The following BCAS3 variants were observed in gnomAD, a reference collection of about 807,000 sequenced individuals.
BCAS3 encodes BCAS4/BCAS3 fusion.
In BCAS3, 53 loss-of-function variants were observed where a neutral mutation model predicts 116.1. The ratio of observed to expected loss-of-function variants is 0.46; its 90% CI spans 0.37 to 0.57. The LOEUF (loss-of-function observed/expected upper bound fraction) is 0.57. Among genes scored for constraint, BCAS3 ranks in the 20% least tolerant of loss-of-function variants. BCAS3 has a pLI of 0.00. For missense variants in BCAS3, 917 were observed against 1,165.4 expected, an observed-to-expected ratio of 0.79 and a Z score of 3.10; for synonymous variants, 391 against 408.2, an observed-to-expected ratio of 0.96 and a Z score of 0.51.
chr17:60,717,311 G>C (rs986989742), intron 5 of BCAS3, among the ~76,000 whole-genome samples: 3 of 151,520 alleles, frequency 2.0e-5, no homozygotes, highest in Non-Finnish European at 2.9e-5. Context: ...CACCTCCCAG[G>C]TTCAAGCGAT....
rs1186278291 is a variant in BCAS3 at position 61,063,503 on chromosome 17, C to T, written c.2030-11417C>T. On this transcript the variant is annotated intron_variant, in intron 19 of 23. Coordinates refer to ENST00000407086, the MANE Select transcript of BCAS3 (RefSeq NM_017679.5). The surrounding 1 kb of genome is among the most constrained non-coding windows in gnomAD (Gnocchi z 5.3). ...CAGGATGGTCTCGATCTCTTGATCT[C>T]GTGATCCGCCACCTCGGCCTCCCAA... Among the ~76,000 whole-genome samples, 6 of 152,050 alleles carry T rather than the reference C, an allele frequency of 3.9e-5. No individual in the cohort carries two copies. Among genetic ancestry groups the T allele is most frequent in the South Asian group, 2.1e-4 (1 of 4,826 alleles).
At chr17:61,014,558 A>G (rs1286734879) in intron 15 of BCAS3, among the ~76,000 whole-genome samples, 3 of 151,258 alleles carry the variant, frequency 2.0e-5, no homozygotes, top group Non-Finnish European at 4.4e-5. Context: ...CTCTCACTAC[A>G]TACACAAAAA....
At chr17:61,373,804 CTTTGT>C (rs1204887197) in intron 23 of BCAS3, among the ~76,000 whole-genome samples, 1 of 76,084 alleles carries the variant, frequency 1.3e-5, no homozygotes, top group Non-Finnish European at 2.7e-5. Context: ...TCTTCTTCTT[CTTTGT>C]TTTTTTTTTT....
intron 5 of BCAS3, among the ~76,000 whole-genome samples, chr17:60,720,900 C>T (rs184738057): frequency 3.9e-5 from 6 of 152,194 alleles, no homozygotes; most frequent in African/African-American, 1.4e-4. Context: ...GTAGTGTTTT[C>T]TTGGAGCTGT....
intron 22 of BCAS3, among the ~76,000 whole-genome samples, chr17:61,230,928 C>A (rs1285192675): frequency 6.7e-6 from 1 of 148,950 alleles, no homozygotes; most frequent in African/African-American, 2.5e-5. Flanking sequence ...ATTCCCTTTT[C>A]TCTGCAGCCT....
rs2055719737 is a variant in BCAS3, at chr17:61,326,258, T to C, written c.2426-42069T>C. Among the ~76,000 whole-genome samples, 1 of 152,096 alleles carries C rather than the reference T, an allele frequency of 6.6e-6. No homozygotes were observed. ...AGGTCCCATTTAAGCTTGGCTCTAA[T>C]GGGTGAGATAAATCAGCAAAGGGAG... On this transcript the variant is annotated intron_variant, in intron 22 of 23. Coordinates refer to ENST00000407086, the MANE Select transcript of BCAS3 (RefSeq NM_017679.5). The surrounding 1 kb of genome is among the most constrained non-coding windows in gnomAD (Gnocchi z 5.3).
intron 22 of BCAS3, among the ~76,000 whole-genome samples, chr17:61,338,227 T>G (rs1263067116): frequency 6.6e-6 from 1 of 152,220 alleles, no homozygotes; most frequent in Admixed American, 6.5e-5. Context: ...ATATTTCAGT[T>G]GAAGAAGTTA....
intron 5 of BCAS3, among the ~76,000 whole-genome samples, chr17:60,732,770 C>T (rs1446727817): frequency 2.0e-5 from 3 of 152,014 alleles, no homozygotes; most frequent in Admixed American, 1.3e-4. Flanking sequence ...ACCTGGGAGG[C>T]GGAGGTTGCA....
intron 6 of BCAS3, among the ~76,000 whole-genome samples, chr17:60,805,083 A>G (rs2048149590): frequency 1.3e-5 from 2 of 151,616 alleles, no homozygotes. Flanking sequence ...ACACTCACAC[A>G]ATTTTAAAGA....
chr17:61,314,532 G>T (rs554548377), intron 22 of BCAS3, among the ~76,000 whole-genome samples: 1 of 152,170 alleles, frequency 6.6e-6, no homozygotes, highest in Non-Finnish European at 1.5e-5. Flanking sequence ...ACAGTTCCTG[G>T]CTTCCTCTTG....
In BCAS3 at chr17:61,004,212, A is replaced by G. The variant is rs1258847981; in HGVS notation, c.1487-11539A>G. The stretch of plus-strand genomic sequence containing the variant: ...GTTCCACTGAAATAAAAATATTTCT[A>G]TGGAAATCTGGAGATGGAATTTTTA... On this transcript the variant is annotated intron_variant, in intron 15 of 23. Coordinates refer to ENST00000407086, the MANE Select transcript of BCAS3 (RefSeq NM_017679.5). The surrounding 1 kb of genome is among the most constrained non-coding windows in gnomAD (Gnocchi z 4.8). 1.3e-5 allele frequency among the ~76,000 whole-genome samples: 2 copies of G among 152,168 alleles called. No homozygotes were observed. The highest frequency in any genetic ancestry group is 4.8e-5 in the African/African-American group (2 of 41,450).
chr17:61,350,607 T>C (rs987646136), intron 22 of BCAS3, among the ~76,000 whole-genome samples: 4 of 150,390 alleles, frequency 2.7e-5, no homozygotes, highest in African/African-American at 9.8e-5. Context: ...AACTGTGGTG[T>C]ATGTACACAA....
chr17:61,320,816 TATATATTCTTAA>T, intron 22 of BCAS3, among the ~76,000 whole-genome samples: 1 of 152,318 alleles, frequency 6.6e-6, no homozygotes, highest in East Asian at 1.9e-4. Context: ...GTATGTTTCA[TATATATTCTTAA>T]GTAGTGTAGA....
At chr17:61,090,471 T>C (rs2073459205) in intron 22 of BCAS3, among the ~76,000 whole-genome samples, 1 of 152,226 alleles carries the variant, frequency 6.6e-6, no homozygotes, top group Non-Finnish European at 1.5e-5. Context: ...TTGGCTTTTA[T>C]ATTAGAAATG....
intron 6 of BCAS3, among the ~76,000 whole-genome samples, chr17:60,761,021 T>C (rs1250199310): frequency 2.6e-5 from 4 of 152,092 alleles, no homozygotes; most frequent in African/African-American, 7.2e-5. Flanking sequence ...ATATTTTGCA[T>C]TTTATTCATA....
intron 7 of BCAS3, among the ~76,000 whole-genome samples, chr17:60,867,900 G>T (rs1280475879): frequency 6.6e-6 from 1 of 151,828 alleles, no homozygotes; most frequent in African/African-American, 2.4e-5. Flanking sequence ...GTTTTTGTTC[G>T]TTAGTTTTAA....
rs1262718120 is a variant in BCAS3 at position 61,281,889 on chromosome 17, C to T, written c.2426-86438C>T. On this transcript the variant is annotated intron_variant, in intron 22 of 23. Coordinates refer to ENST00000407086, the MANE Select transcript of BCAS3 (RefSeq NM_017679.5). The surrounding 1 kb of genome is among the most constrained non-coding windows in gnomAD (Gnocchi z 4.2). The stretch of plus-strand genomic sequence containing the variant: ...TTCTTCGTTTTATGGTAAATTTTTA[C>T]TTTCTTTTCCGCTACTTCCTTTTTA... 6.6e-6 allele frequency among the ~76,000 whole-genome samples: 1 copy of T among 152,048 alleles called. No individual in the cohort carries two copies. The highest frequency in any genetic ancestry group is 1.5e-5 in the Non-Finnish European group (1 of 68,000).
At chr17:60,908,263 T>C (rs1421724794) in intron 11 of BCAS3, among the ~76,000 whole-genome samples, 1 of 152,200 alleles carries the variant, frequency 6.6e-6, no homozygotes, top group Non-Finnish European at 1.5e-5. Flanking sequence ...GGTTCTCTTA[T>C]GTTAACTTTT....
At position 61,106,629 on chromosome 17, in the gene BCAS3, T is replaced by A. The variant is rs1409686231; in HGVS notation, c.2425+22065T>A. ...CATGGTTTCAGGCATCCACTGGGGG[T>A]CTTGGAACGTATCCCCATAGATAAG... is the stretch of plus-strand genomic sequence containing the variant. On this transcript the variant is annotated intron_variant, in intron 22 of 23. Transcript: ENST00000407086. The surrounding 1 kb of genome is among the most constrained non-coding windows in gnomAD (Gnocchi z 4.2). 6.6e-6 allele frequency among the ~76,000 whole-genome samples: 1 copy of A among 152,134 alleles called. No homozygotes were observed. The highest frequency in any genetic ancestry group is 1.5e-5 in the Non-Finnish European group (1 of 68,028).
Sources: allele counts gnomAD v4.1 joint callset (sites outside exome capture counted in the v4.1 genomes callset), GRCh38; gene constraint gnomAD v4.1.1; non-coding constraint Gnocchi (gnomAD v3.1); transcripts MANE v1.5; gene names NCBI Gene and HGNC (gene_info 2026-07-23, HGNC 2026-07-21).